ASB10: variants seen among roughly 807,000 people sequenced by gnomAD.
The protein encoded by ASB10 is ankyrin repeat and SOCS box protein 10.
In ASB10, 44 loss-of-function variants were observed where a neutral mutation model predicts 35.4. The observed-to-expected ratio is 1.24, with a 90% confidence interval of 0.98 to 1.60. ASB10 has a LOEUF of 1.60. ASB10 is among the 40% of genes most tolerant of loss of function. The probability of loss-of-function intolerance (pLI) is 0.00; values close to 1 mark genes in which losing one functional copy is unlikely to be tolerated. For synonymous variants in ASB10, 294 were observed against 280.4 expected, an observed-to-expected ratio of 1.05 and a Z score of -0.49; for missense variants, 647 against 634.3, an observed-to-expected ratio of 1.02 and a Z score of -0.22.
At chr7:151,179,491 GACTTGCCTACACCC>G (rs1801448821) in intron 3 of ASB10, among the ~76,000 whole-genome samples, 2 of 152,204 alleles carry the variant, frequency 1.3e-5, no homozygotes, top group Admixed American at 1.3e-4. Flanking sequence ...CACATGCAGT[GACTTGCCTACACCC>G]ATACGAACAA....
intron 2 of ASB10, among the ~76,000 whole-genome samples, chr7:151,185,228 C>G (rs2150559844): frequency 6.7e-6 from 1 of 150,360 alleles, no homozygotes; most frequent in East Asian, 2.0e-4. Context: ...AAGCAATTCT[C>G]CTGCCTCAGC....
At position 151,176,094 on chromosome 7, in the gene ASB10, A is replaced by G. The variant is rs756697942; in HGVS notation, c.*18T>C. 3 of 1,609,132 alleles carry G rather than the reference A, an allele frequency of 1.9e-6. No homozygotes were observed. Among genetic ancestry groups the G allele is most frequent in the Non-Finnish European group, 2.5e-6 (3 of 1,178,880 alleles). On this transcript the variant is annotated intron_variant, in intron 5 of 5. Coordinates refer to ENST00000420175, the MANE Select transcript of ASB10 (RefSeq NM_001142459.2). The stretch of plus-strand genomic sequence containing the variant: ...GGACCCCAAGCAGCTGTGACTGCTC[A>G]CAGATCCCGGGGCTCACCTAGTAGA...
chr7:151,178,223 C>T (rs550093153), intron 3 of ASB10, among the ~76,000 whole-genome samples: 35 of 152,000 alleles, frequency 2.3e-4, no homozygotes, highest in African/African-American at 4.1e-4. Flanking sequence ...CACGTGTGGG[C>T]GACAGAATGA....
Position 151,181,328 on chromosome 7 carries a change from C to A in ASB10, c.715G>T (p.Ala239Ser). Residue 239 changes from alanine to serine, a missense_variant, in exon 3 of 6, where the codon GCA becomes TCA. Transcript: ENST00000420175. ...TCGGCATTGCGGGCATCAGGACATG[C>A]CCCCCGTCTTAGAAGCAGATCTGCC... ...ELADLLLRRGACPDARNAEGW... is the reference protein window; with the variant it reads ...ELADLLLRRGSCPDARNAEGW... 3 of 1,613,138 alleles carry A rather than the reference C, an allele frequency of 1.9e-6. No individual in the cohort carries two copies. Among genetic ancestry groups the A allele is most frequent in the Non-Finnish European group, 2.5e-6 (3 of 1,179,956 alleles).
chr7:151,180,206 A>C (rs1046808683), intron 3 of ASB10, among the ~76,000 whole-genome samples: 1 of 152,234 alleles, frequency 6.6e-6, no homozygotes, highest in Non-Finnish European at 1.5e-5. Flanking sequence ...CCCTCCAGAC[A>C]CGACACAGCA....
rs1801376064 is a variant in ASB10 at position 151,175,902 on chromosome 7, G to A, written c.*65C>T. ...CCAGGGCTACCTGGCCTGAGTTAGT[G>A]CAGAGGCGCGCCCTCTGCAGGCTGG... On this transcript the variant is annotated 3_prime_UTR_variant, in exon 6 of 6. Coordinates refer to ENST00000420175, the MANE Select transcript of ASB10 (RefSeq NM_001142459.2). 1 of 610,294 alleles carries A rather than the reference G, an allele frequency of 1.6e-6. No individual in the cohort carries two copies. The highest frequency in any genetic ancestry group is 2.7e-6 in the Non-Finnish European group (1 of 369,782). The allele number at this position is 610,294 out of a possible 1,614,324, so 37.8% of individuals were successfully genotyped here.
chr7:151,186,590 G>C lies in ASB10; in HGVS notation c.386C>G (p.Thr129Arg). The C allele has an allele frequency of 5.0e-6, 8 of 1,609,582 alleles. No individual in the cohort carries two copies. Among genetic ancestry groups the C allele is most frequent in the Non-Finnish European group, 6.8e-6 (8 of 1,178,646 alleles). Residue 129 changes from threonine to arginine, a missense_variant, in exon 2 of 6, where the codon ACG (threonine) becomes AGG (arginine). Thr to Arg is a moderately conservative substitution (Grantham distance 71). Coordinates refer to ENST00000420175, the MANE Select transcript of ASB10 (RefSeq NM_001142459.2). Reference sequence around the variant, plus strand: ...CCTCAGCAGCAGCCGCAGGACTTCCGTGTGGCCACGGCTGGCTGCCACATG... The same window carrying C: ...CCTCAGCAGCAGCCGCAGGACTTCCCTGTGGCCACGGCTGGCTGCCACATG... ...PLHVAASRGH[T>R]EVLRLLLRRR... is the part of the protein sequence containing the mutation.
At position 151,176,187 on chromosome 7, in the gene ASB10, T is replaced by C; in HGVS notation, c.1329A>G (p.Gln443=). 1 of 1,610,972 alleles carries C rather than the reference T, an allele frequency of 6.2e-7. No homozygotes were observed. Among genetic ancestry groups the C allele is most frequent in the African/African-American group, 1.3e-5 (1 of 74,978 alleles). The change falls in exon 5 of 6, where the codon CAA becomes CAG. Residue 443 remains glutamine, a synonymous_variant. Coordinates refer to ENST00000420175, the MANE Select transcript of ASB10 (RefSeq NM_001142459.2). ...LRSHLEGSLP[Q]ALPRLPLPPR... ...GTGGCAGGGGGAGGCGGGGCAGCGC[T>C]TGGGGCAGGCTGCCCTCCAGGTGGG...
chr7:151,176,514 T>G, intron 4 of ASB10, 49 bp downstream of exon 4: 1 of 1,516,096 alleles, frequency 6.6e-7, no homozygotes, highest in Non-Finnish European at 8.9e-7. Flanking sequence ...CGGGTGGGAG[T>G]CTTGGGACCA....
Position 151,181,055 on chromosome 7 carries a change from G to C in ASB10, c.988C>G (p.Pro330Ala). 4.3e-6 allele frequency: 7 copies of C among 1,612,466 alleles called. No homozygotes were observed. The highest frequency in any genetic ancestry group is 5.9e-6 in the Non-Finnish European group (7 of 1,179,848). ...GGGCCCTGCAGAGCACAGTGCAGGG[G>C]CGTGTGTCCCCCATAGTCCATGGTG... ...ANTMDYGGHT[P>A]LHCALQGPAA... is the part of the protein sequence containing the mutation. Residue 330 changes from proline (P) to alanine (A), a missense_variant, in exon 3 of 6, where the codon CCC becomes GCC. Physicochemically the swap from Pro to Ala is conservative, Grantham distance 27. Coordinates refer to ENST00000420175, the MANE Select transcript of ASB10 (RefSeq NM_001142459.2).
At chr7:151,187,453 C>A (rs1007719469), upstream of ASB10, 23 of 1,551,206 alleles carry the variant, frequency 1.5e-5, no homozygotes, top group Non-Finnish European at 1.9e-5. The surrounding 1 kb of genome is among the most constrained non-coding windows in gnomAD (Gnocchi z 5.3). Flanking sequence ...GCCCCTCACC[C>A]CTCTGGTGGC....
chr7:151,176,519 G>A (rs1474175263), intron 4 of ASB10, 44 bp downstream of exon 4: 1 of 1,523,234 alleles, frequency 6.6e-7, no homozygotes, highest in African/African-American at 1.4e-5. Flanking sequence ...GGGAGTCTTG[G>A]GACCAGGATG....
At chr7:151,181,516 C>T (rs944453774) in intron 2 of ASB10, 58 bp from the exon 3 acceptor site, 2 of 1,505,584 alleles carry the variant, frequency 1.3e-6, no homozygotes, top group African/African-American at 1.4e-5. Context: ...GGCAGGAACA[C>T]ACTTGGGTGG....
chr7:151,183,246 C>CA (rs779478765), intron 2 of ASB10, among the ~76,000 whole-genome samples: 1 of 152,114 alleles, frequency 6.6e-6, no homozygotes, highest in Non-Finnish European at 1.5e-5. Context: ...CCCATCTCCA[C>CA]AAAAAATTAG....
intron 2 of ASB10, 76 bp downstream of exon 2, chr7:151,186,316 T>C (rs1057158985): frequency 1.4e-6 from 2 of 1,474,394 alleles, no homozygotes; most frequent in Non-Finnish European, 9.0e-7. Context: ...CCTGACATTT[T>C]CCCCCATCCT....
chr7:151,181,005 G>A lies in ASB10; in HGVS notation c.1038C>T (p.Pro346=), dbSNP rs765294711. 21 of 1,600,968 alleles carry A rather than the reference G, an allele frequency of 1.3e-5. No individual in the cohort carries two copies. In the African/African-American group the frequency reaches 1.5e-4, roughly 11 times the overall value. Residue 346 remains proline (P), a synonymous_variant, in exon 3 of 6, where the codon CCC becomes CCT. Coordinates refer to ENST00000420175, the MANE Select transcript of ASB10 (RefSeq NM_001142459.2). ...QGPAAALAQS[P]EHVVRALLNH... ...TGAGCAGAGCCCGAACCACGTGCTCGGGGCTCTGGGCCAGGGCTGCAGCTG... is the reference window on the plus strand; with the variant it reads ...TGAGCAGAGCCCGAACCACGTGCTCAGGGCTCTGGGCCAGGGCTGCAGCTG...
At chr7:151,187,528 C>T (rs1423422832), upstream of ASB10, 4 of 1,551,374 alleles carry the variant, frequency 2.6e-6, no homozygotes, top group Non-Finnish European at 3.5e-6. This position sits in a 1 kb window ranked among gnomAD's most constrained non-coding sequence, Gnocchi z 5.3. Context: ...GCGGGGGGAA[C>T]AGCTCCTGCA....
Position 151,181,354 on chromosome 7 carries a change from A to G in ASB10, c.689T>C (p.Leu230Pro). 6.2e-7 allele frequency: 1 copy of G among 1,613,218 alleles called. No individual in the cohort carries two copies. ...CCCCCGTCTTAGAAGCAGATCTGCC[A>G]GCTCCACATGGCCAAGCCGGGCGGC... ...HVAARLGHVE[L>P]ADLLLRRGAC... The change falls in exon 3 of 6, where the codon CTG becomes CCG. Residue 230 changes from leucine (L) to proline (P), a missense_variant. Transcript: ENST00000420175.
At position 151,176,102 on chromosome 7, in the gene ASB10, CG is replaced by C. The variant is rs776237466; in HGVS notation, c.*9del. 16 of 1,609,800 alleles carry C rather than the reference CG, an allele frequency of 9.9e-6. No individual in the cohort carries two copies. Among genetic ancestry groups the C allele is most frequent in the Non-Finnish European group, 1.4e-5 (16 of 1,179,204 alleles). On this transcript the variant is annotated intron_variant, in intron 5 of 5. Coordinates refer to ENST00000420175, the MANE Select transcript of ASB10 (RefSeq NM_001142459.2). ...AGCAGCTGTGACTGCTCACAGATCC[CG>C]GGGCTCACCTAGTAGAGCACGCCCT...
Sources: allele counts gnomAD v4.1 joint callset (sites outside exome capture counted in the v4.1 genomes callset), GRCh38; gene constraint gnomAD v4.1.1; non-coding constraint Gnocchi (gnomAD v3.1); transcripts MANE v1.5; gene names NCBI Gene and HGNC (gene_info 2026-07-23, HGNC 2026-07-21).